The following CELF2 variants were observed in gnomAD, a reference collection of about 807,000 sequenced individuals.
The protein encoded by CELF2 is CUG triplet repeat RNA-binding protein 2.
A neutral mutation model predicts 62.6 loss-of-function variants in CELF2; 8 were observed. That is an observed-to-expected ratio of 0.13 (90% CI 0.07 to 0.23). The LOEUF is 0.23. Among genes scored for constraint, CELF2 ranks in the 10% least tolerant of loss-of-function variants. The pLI is 1.00. For missense variants in CELF2, 333 were observed against 671.0 expected (o/e 0.50, Z 5.56); for synonymous variants, 258 against 250.0 (o/e 1.03, Z -0.30).
chr10:11,032,146 C>CAAAAAAAA (rs56364371), intron 1 of CELF2, among the ~76,000 whole-genome samples: 23 of 86,392 alleles, frequency 2.7e-4, no homozygotes, highest in South Asian at 3.5e-4. Flanking sequence ...AGGGCTTAGC[C>CAAAAAAAA]AAAAAAAAAA....
the CELF2 span, among the ~76,000 whole-genome samples, chr10:10,499,340 A>T: frequency 6.6e-6 from 1 of 150,942 alleles, no homozygotes; most frequent in African/African-American, 2.4e-5. Context: ...TGCTGGGATT[A>T]CAGGCCACCA....
At position 10,803,998 on chromosome 10, in the gene CELF2, C is replaced by T. The variant is rs1036295836; in HGVS notation, c.53+5181C>T. 4.6e-5 allele frequency among the ~76,000 whole-genome samples: 7 copies of T among 152,332 alleles called. No homozygotes were observed. In the East Asian group the frequency reaches 1.3e-3, roughly 29 times the overall value. ...TGACTGATGAATTAATGACTCCTAACACCTAGTTGAGTAATTCTATCTTCA... is the reference window on the plus strand; with the variant it reads ...TGACTGATGAATTAATGACTCCTAATACCTAGTTGAGTAATTCTATCTTCA... On this transcript the variant is annotated intron_variant, in intron 1 of 13. Transcript: ENST00000636488.
intron 1 of CELF2, among the ~76,000 whole-genome samples, chr10:11,137,590 G>A (rs569944639): frequency 2.2e-4 from 34 of 152,294 alleles, no homozygotes; most frequent in African/African-American, 7.2e-4. Flanking sequence ...ATGTTAAATA[G>A]ATGTTAAGCA....
the CELF2 span, among the ~76,000 whole-genome samples, chr10:10,567,544 G>A: frequency 6.6e-6 from 1 of 152,152 alleles, no homozygotes. Flanking sequence ...GCTTCAGCAG[G>A]CTACTAGGAA....
At position 10,990,252 on chromosome 10, in the gene CELF2, G is replaced by T. The variant is rs759251077; in HGVS notation, c.89+70253G>T. ...TGGAAAATATTTTCAACGTCATTATGTGGGAAAAATATATCATGTTGTATA... is the reference window on the plus strand; with the variant it reads ...TGGAAAATATTTTCAACGTCATTATTTGGGAAAAATATATCATGTTGTATA... On this transcript the variant is annotated intron_variant, in intron 2 of 13. Transcript: ENST00000636488. This position sits in a 1 kb window ranked among gnomAD's most constrained non-coding sequence, Gnocchi z 4.6. Among the ~76,000 whole-genome samples the T allele has an allele frequency of 6.6e-6, 1 of 152,046 alleles. No homozygotes were observed. The highest frequency in any genetic ancestry group is 1.5e-5 in the Non-Finnish European group (1 of 67,954).
At chr10:10,847,122 C>T (rs2059064032) in intron 1 of CELF2, among the ~76,000 whole-genome samples, 1 of 151,470 alleles carries the variant, frequency 6.6e-6, no homozygotes, top group Non-Finnish European at 1.5e-5. Context: ...GAAACACACA[C>T]AAAATTAGAT....
At chr10:10,690,728 A>C in the CELF2 span, among the ~76,000 whole-genome samples, 1 of 152,088 alleles carries the variant, frequency 6.6e-6, no homozygotes, top group Non-Finnish European at 1.5e-5. Context: ...AAAAATACAA[A>C]AATTAGCCTG....
rs146608149 is a variant in CELF2, at chr10:10,835,196, A to C, written c.53+36379A>C. ...AGACAAGGGTCTCCCTCTGTCTTAC[A>C]GGATGGAGTGTGCTAGTGCAGTCCT... is the stretch of plus-strand genomic sequence containing the variant. On this transcript the variant is annotated intron_variant, in intron 1 of 13. Transcript: ENST00000636488. 3.6e-3 allele frequency among the ~76,000 whole-genome samples: 549 copies of C among 152,120 alleles called. 3 individuals are homozygous for C. The highest frequency in any genetic ancestry group is 0.013 in the African/African-American group (530 of 41,494).
intron 2 of CELF2, among the ~76,000 whole-genome samples, chr10:11,184,716 A>G (rs2074365049): frequency 6.6e-6 from 1 of 152,244 alleles, no homozygotes; most frequent in Admixed American, 6.5e-5. Flanking sequence ...TAGCATATAG[A>G]AATATAATTG....
the CELF2 span, among the ~76,000 whole-genome samples, chr10:10,566,308 GA>G: frequency 8.5e-4 from 125 of 147,140 alleles, no homozygotes; most frequent in Middle Eastern, 3.6e-3. Flanking sequence ...AAACATGCAG[GA>G]AAAAAAAAAT....
the CELF2 span, among the ~76,000 whole-genome samples, chr10:10,533,500 C>G: frequency 6.6e-6 from 1 of 152,188 alleles, no homozygotes; most frequent in Non-Finnish European, 1.5e-5. Flanking sequence ...TATTGTAGGA[C>G]TTTCAAGAGC....
At chr10:11,185,761 A>G (rs1434720931) in intron 2 of CELF2, among the ~76,000 whole-genome samples, 1 of 152,112 alleles carries the variant, frequency 6.6e-6, no homozygotes, top group Admixed American at 6.5e-5. Flanking sequence ...TTTGTTTAGA[A>G]TTTTTACATC....
chr10:10,895,823 G>T (rs2062511671), intron 1 of CELF2, among the ~76,000 whole-genome samples: 1 of 152,234 alleles, frequency 6.6e-6, no homozygotes, highest in African/African-American at 2.4e-5. Flanking sequence ...ACAATGAAGG[G>T]CAGTGATCTT....
At position 11,331,621 on chromosome 10, in the gene CELF2, CAAAA is replaced by C. The variant is rs904007340; in HGVS notation, c.*2572_*2575del. 1 of 151,284 alleles carries C rather than the reference CAAAA, an allele frequency of 6.6e-6. No homozygotes were observed. The highest frequency in any genetic ancestry group is 1.5e-5 in the Non-Finnish European group (1 of 67,716). 9.4% of individuals were successfully genotyped at this position (151,284 alleles called of 1,614,324 possible). On this transcript the variant is annotated 3_prime_UTR_variant, in exon 13 of 13. Coordinates refer to ENST00000633077, the MANE Select transcript of CELF2 (RefSeq NM_001326342.2). ...CTAATATTTAAAAAAAAAAACAAAA[CAAAA>C]AAAGGTTACAAAGTTTGTTAACTTG... is the stretch of plus-strand genomic sequence containing the variant.
In CELF2 at chr10:11,157,274, T is replaced by C. The variant is rs2064676405; in HGVS notation, c.75-8212T>C. 6.6e-6 allele frequency among the ~76,000 whole-genome samples: 1 copy of C among 152,144 alleles called. No individual in the cohort carries two copies. The highest frequency in any genetic ancestry group is 2.4e-5 in the African/African-American group (1 of 41,422). ...GGGCCGCGTTTCCCACCTTCCCAGCTCCCTTCCTTGTTAGAGCCGCCTTTT... is the reference window on the plus strand; with the variant it reads ...GGGCCGCGTTTCCCACCTTCCCAGCCCCCTTCCTTGTTAGAGCCGCCTTTT... On this transcript the variant is annotated intron_variant, in intron 1 of 12. Coordinates refer to ENST00000633077, the MANE Select transcript of CELF2 (RefSeq NM_001326342.2). This position sits in a 1 kb window ranked among gnomAD's most constrained non-coding sequence, Gnocchi z 4.9.
chr10:10,756,567 T>A, the CELF2 span, among the ~76,000 whole-genome samples: 1 of 152,200 alleles, frequency 6.6e-6, no homozygotes, highest in African/African-American at 2.4e-5. Context: ...ACATCAGGGA[T>A]CCCTTAGATT....
At chr10:10,847,626 A>C (rs2059100873) in intron 1 of CELF2, among the ~76,000 whole-genome samples, 1 of 152,192 alleles carries the variant, frequency 6.6e-6, no homozygotes, top group Admixed American at 6.5e-5. Context: ...TTTCAATAGC[A>C]AGTTCTAGTG....
intron 1 of CELF2, among the ~76,000 whole-genome samples, chr10:11,021,900 ACAT>A (rs896128647): frequency 2.0e-5 from 3 of 152,234 alleles, no homozygotes; most frequent in African/African-American, 4.8e-5. Context: ...TGTATGTGAA[ACAT>A]CATTTTATAC....
chr10:11,002,335 A>T (rs1452014574), upstream of CELF2, among the ~76,000 whole-genome samples: 3 of 152,190 alleles, frequency 2.0e-5, no homozygotes, highest in Non-Finnish European at 4.4e-5. The surrounding 1 kb of genome is among the most constrained non-coding windows in gnomAD (Gnocchi z 4.4). Context: ...GAATTTTGGG[A>T]GCTACAGTTC....
Sources: allele counts gnomAD v4.1 joint callset (sites outside exome capture counted in the v4.1 genomes callset), GRCh38; gene constraint gnomAD v4.1.1; non-coding constraint Gnocchi (gnomAD v3.1); transcripts MANE v1.5; gene names NCBI Gene and HGNC (gene_info 2026-07-23, HGNC 2026-07-21).